The following POGZ variants were observed in gnomAD, a reference collection of about 807,000 sequenced individuals.
POGZ encodes the protein pogo transposable element derived with ZNF domain, also known as pogo transposable element with ZNF domain.
POGZ carries 17 observed loss-of-function variants against 134.6 expected under a neutral mutation model. That is an observed-to-expected ratio of 0.13 (90% CI 0.09 to 0.19). The LOEUF (loss-of-function observed/expected upper bound fraction) is 0.19, where lower values mean the gene tolerates loss of function less well. POGZ is among the 10% of genes least tolerant of loss of function. The pLI is 1.00. For missense variants in POGZ, 1,306 were observed against 1,769.7 expected, an observed-to-expected ratio of 0.74 and a Z score of 4.70; for synonymous variants, 693 against 657.1, an observed-to-expected ratio of 1.05 and a Z score of -0.84.
Position 151,403,279 on chromosome 1 carries a change from C to T in POGZ, c.*1523G>A. 1.0e-6 allele frequency: 1 copy of T among 985,626 alleles called. No individual in the cohort carries two copies. Among genetic ancestry groups the T allele is most frequent in the Admixed American group, 6.1e-5 (1 of 16,280 alleles). The allele number at this position is 985,626 out of a possible 1,614,324, so 61.1% of individuals were successfully genotyped here. A position where few individuals can be genotyped will look rare whatever the true frequency, so the allele number is the denominator to read the frequency against. On this transcript the variant is annotated 3_prime_UTR_variant, in exon 19 of 19. Transcript: ENST00000271715. ...CAAATGTCACACCTGTACCACCAGG[C>T]CCATCACATCTTGAGCATTCCCCAG...
Position 151,428,152 on chromosome 1 carries a change from T to C in POGZ, c.830A>G (p.Gln277Arg), listed in dbSNP as rs561369202. The C allele has an allele frequency of 1.2e-5, 19 of 1,614,200 alleles. No individual in the cohort carries two copies. The East Asian group carries it at 4.2e-4, about 36-fold the overall frequency. Residue 277 changes from glutamine (Q) to arginine (R), a missense_variant, in exon 6 of 19, where the codon CAG (glutamine) becomes CGG (arginine). Gln to Arg is a conservative substitution (Grantham distance 43). Around this residue, in one of 10 missense-constraint regions of POGZ, gnomAD observed 541 missense variants for 680.5 expected, o/e 0.80. Coordinates refer to ENST00000271715, the MANE Select transcript of POGZ (RefSeq NM_015100.4). ...LGQLAVQSPGQSNQTTNPKLA... is the reference protein window; with the variant it reads ...LGQLAVQSPGRSNQTTNPKLA... ...CTTGGGATTCGTGGTCTGGTTTGAC[T>C]GGCCTGGAGACTGAACAGCTAGTTG...
At chr1:151,421,747 A>G (rs1331116332) in intron 10 of POGZ, among the ~76,000 whole-genome samples, 2 of 152,110 alleles carry the variant, frequency 1.3e-5, no homozygotes, top group Non-Finnish European at 2.9e-5. Flanking sequence ...TATAACAGAT[A>G]TTCTTATTGT....
chr1:151,456,740 G>A (rs915108057), intron 1 of POGZ, among the ~76,000 whole-genome samples: 1 of 152,170 alleles, frequency 6.6e-6, no homozygotes, highest in Non-Finnish European at 1.5e-5. Context: ...ATCGCCTGAG[G>A]TCCGGAGTTC....
At chr1:151,415,710 C>G (rs1168900010) in intron 10 of POGZ, among the ~76,000 whole-genome samples, 1 of 150,266 alleles carries the variant, frequency 6.7e-6, no homozygotes. Context: ...AAGAAATGTA[C>G]CTTAAGATAG....
chr1:151,453,556 T>C (rs1304597929), intron 1 of POGZ, among the ~76,000 whole-genome samples: 2 of 152,204 alleles, frequency 1.3e-5, no homozygotes, highest in African/African-American at 4.8e-5. Context: ...GGAGGTACAT[T>C]ACTTTCTTCC....
rs542013685 is a variant in POGZ, at chr1:151,421,274, T to C, written c.1678+2123A>G. Among the ~76,000 whole-genome samples, 10 of 152,154 alleles carry C rather than the reference T, an allele frequency of 6.6e-5. No individual in the cohort carries two copies. In the East Asian group the frequency reaches 1.3e-3, roughly 21 times the overall value. On this transcript the variant is annotated intron_variant, in intron 10 of 18. Coordinates refer to ENST00000271715, the MANE Select transcript of POGZ (RefSeq NM_015100.4). The stretch of plus-strand genomic sequence containing the variant: ...ATATTTCTACTGCCTAGTGTTACTG[T>C]AAGCCATTAATGTCAATCCCACTTC...
At chr1:151,441,240 A>G (rs1381334486) in intron 2 of POGZ, among the ~76,000 whole-genome samples, 154 bp from the exon 3 acceptor site, 1 of 152,076 alleles carries the variant, frequency 6.6e-6, no homozygotes, top group African/African-American at 2.4e-5. Flanking sequence ...TTCTCCTCCT[A>G]CTTAACCCTT....
At chr1:151,407,153 C>T (rs1013446936) in intron 16 of POGZ, 82 bp downstream of exon 16, 1 of 1,230,396 alleles carries the variant, frequency 8.1e-7, no homozygotes, top group Non-Finnish European at 1.2e-6. Flanking sequence ...ATTCACATAA[C>T]CACCTCTCCA....
At position 151,404,049 on chromosome 1, in the gene POGZ, T is replaced by C. The variant is rs1653154955; in HGVS notation, c.*753A>G. The C allele has an allele frequency of 1.0e-6, 1 of 985,346 alleles. No individual in the cohort carries two copies. The highest frequency in any genetic ancestry group is 1.2e-6 in the Non-Finnish European group (1 of 829,922). The allele number at this position is 985,346 out of a possible 1,614,324, so 61.0% of individuals were successfully genotyped here. A position where few individuals can be genotyped will look rare whatever the true frequency, so the allele number is the denominator to read the frequency against. On this transcript the variant is annotated 3_prime_UTR_variant, in exon 19 of 19. Transcript: ENST00000271715. ...CAAAAAATATTGTTTATGTCATGTTTTGGAGGGAAGGTGGTGAGGAAAAGA... is the reference window on the plus strand; with the variant it reads ...CAAAAAATATTGTTTATGTCATGTTCTGGAGGGAAGGTGGTGAGGAAAAGA...
chr1:151,439,503 C>G (rs1660178316), intron 3 of POGZ, among the ~76,000 whole-genome samples: 1 of 152,272 alleles, frequency 6.6e-6, no homozygotes, highest in African/African-American at 2.4e-5. Context: ...TTGACAACGT[C>G]TATCAAATTA....
Position 151,441,314 on chromosome 1 carries a change from C to T in POGZ, c.125-228G>A, listed in dbSNP as rs4528122. On this transcript the variant is annotated intron_variant, in intron 2 of 18. Coordinates refer to ENST00000271715, the MANE Select transcript of POGZ (RefSeq NM_015100.4). ...TCTCCTGGTTAATTAAGTTACATCA[C>T]GGAGCCCACTGAACTGGGATTTTAA... is the stretch of plus-strand genomic sequence containing the variant. 0.64 allele frequency among the ~76,000 whole-genome samples: 97,606 copies of T among 151,992 alleles called. 34,852 individuals carry two copies. The highest frequency in any genetic ancestry group is 0.82 in the Non-Finnish European group (55,885 of 67,974).
chr1:151,425,218 G>C, intron 7 of POGZ, 157 bp from the exon 8 acceptor site: 1 of 510,976 alleles, frequency 2.0e-6, no homozygotes, highest in South Asian at 2.0e-5. Context: ...TGTTTTTTTT[G>C]AGACACGGTC....
intron 3 of POGZ, among the ~76,000 whole-genome samples, chr1:151,435,823 C>CA (rs1441886330): frequency 6.6e-6 from 1 of 151,928 alleles, no homozygotes; most frequent in Admixed American, 6.6e-5. Flanking sequence ...AAAACACACA[C>CA]AAAAAACCAA....
intron 1 of POGZ, among the ~76,000 whole-genome samples, chr1:151,457,162 A>G (rs1662872480): frequency 6.6e-6 from 1 of 152,196 alleles, no homozygotes; most frequent in Admixed American, 6.5e-5. Flanking sequence ...TCAAGATGGG[A>G]GTGGAAACTC....
chr1:151,456,244 T>C (rs1662758103), intron 1 of POGZ, among the ~76,000 whole-genome samples: 1 of 152,218 alleles, frequency 6.6e-6, no homozygotes, highest in South Asian at 2.1e-4. Context: ...ACATATTTCA[T>C]TAAACAACAT....
At chr1:151,446,554 G>A (rs912376159) in intron 1 of POGZ, among the ~76,000 whole-genome samples, 1 of 151,872 alleles carries the variant, frequency 6.6e-6, no homozygotes, top group Non-Finnish European at 1.5e-5. Context: ...TTGAGAGTTC[G>A]AGACTAGCCT....
intron 3 of POGZ, among the ~76,000 whole-genome samples, chr1:151,432,869 T>A (rs1658925695): frequency 6.6e-6 from 1 of 152,226 alleles, no homozygotes; most frequent in Non-Finnish European, 1.5e-5. Context: ...TTTACTTGTA[T>A]TTTTTAAGTA....
At chr1:151,421,271 C>A (rs1322142273) in intron 10 of POGZ, among the ~76,000 whole-genome samples, 1 of 150,218 alleles carries the variant, frequency 6.7e-6, no homozygotes, top group Non-Finnish European at 1.5e-5. Context: ...CCTAGTGTTA[C>A]TGTAAGCCAT....
At chr1:151,426,759 A>G (rs1657856867) in intron 7 of POGZ, 1 of 152,194 alleles carries the variant, frequency 6.6e-6, no homozygotes, top group Admixed American at 6.5e-5. Flanking sequence ...ATCCAGTATC[A>G]TGAAGCTTTT....
Sources: allele counts gnomAD v4.1 joint callset (sites outside exome capture counted in the v4.1 genomes callset), GRCh38; gene constraint gnomAD v4.1.1; regional missense constraint gnomAD v4.1.1; transcripts MANE v1.5; gene names NCBI Gene and HGNC (gene_info 2026-07-23, HGNC 2026-07-21).